COL14A1: variants seen among roughly 807,000 people sequenced by gnomAD.
COL14A1 encodes collagen type XIV alpha 1 chain.
Under a neutral mutation model 230.3 loss-of-function variants are expected in COL14A1, and 136 were observed. The observed-to-expected ratio is 0.59, with a 90% CI of 0.51 to 0.68. The LOEUF is 0.68. Among genes scored for constraint, COL14A1 ranks in the 30% least tolerant of loss-of-function variants. The probability of loss-of-function intolerance (pLI) is 0.00; values close to 1 mark genes in which losing one functional copy is unlikely to be tolerated. For synonymous variants in COL14A1, 792 were observed against 784.1 expected (o/e 1.01, Z -0.17); for missense variants, 1,976 against 2,215.8 (o/e 0.89, Z 2.17).
rs79928294 is a variant in COL14A1, at chr8:120,328,845, C to T, written c.4660-3296C>T. ...TTGCCTCCTTCTGTGAAAAAGATTC[C>T]CCTCACTTGTTTTTGGAATGTTTCC... On this transcript the variant is annotated intron_variant, in intron 40 of 47. Coordinates refer to ENST00000297848, the MANE Select transcript of COL14A1 (RefSeq NM_021110.4). Among the ~76,000 whole-genome samples the T allele has an allele frequency of 7.4e-3, 1,129 of 152,166 alleles. 21 individuals are homozygous for T. The highest frequency in any genetic ancestry group is 0.025 in the African/African-American group (1,041 of 41,502).
In COL14A1 at chr8:120,231,390, C is replaced by T. The variant is rs575237455; in HGVS notation, c.2198-77C>T. On this transcript the variant is annotated intron_variant, in intron 18 of 47. Coordinates refer to ENST00000297848, the MANE Select transcript of COL14A1 (RefSeq NM_021110.4). ...ACATTAAATGATGCTTGCTGTCACCCCACAGGTATTCTCTGTGGCTCATTT... is the reference window on the plus strand; with the variant it reads ...ACATTAAATGATGCTTGCTGTCACCTCACAGGTATTCTCTGTGGCTCATTT... The T allele has an allele frequency of 3.4e-6, 5 of 1,479,330 alleles. No homozygotes were observed. The African/African-American group carries it at 5.6e-5, about 16-fold the overall frequency. 91.6% of individuals were successfully genotyped at this position (1,479,330 alleles called of 1,614,324 possible).
At chr8:120,182,850 C>T (rs530425095) in intron 5 of COL14A1, among the ~76,000 whole-genome samples, 26 of 151,176 alleles carry the variant, frequency 1.7e-4, no homozygotes, top group African/African-American at 6.1e-4. Context: ...CCTCAGTCTC[C>T]CGAGTAGCTA....
At chr8:120,253,888 C>G (rs536801183) in intron 22 of COL14A1, among the ~76,000 whole-genome samples, 4 of 152,312 alleles carry the variant, frequency 2.6e-5, no homozygotes, top group Admixed American at 2.6e-4. Flanking sequence ...TGTGCCACTG[C>G]ACTCCAGCCA....
At chr8:120,168,054 A>G (rs1815969281) in intron 4 of COL14A1, 107 bp from the exon 5 acceptor site, 1 of 674,948 alleles carries the variant, frequency 1.5e-6, no homozygotes, top group Non-Finnish European at 2.4e-6. Context: ...CACGGAGCTC[A>G]TTTCTATAGA....
At chr8:120,333,285 G>T (rs1180866816) in intron 42 of COL14A1, among the ~76,000 whole-genome samples, 1 of 152,176 alleles carries the variant, frequency 6.6e-6, no homozygotes, top group Non-Finnish European at 1.5e-5. Flanking sequence ...TGTGATCAAT[G>T]GGAGAGGAAG....
At chr8:120,230,238 T>TG (rs1383089904) in intron 18 of COL14A1, among the ~76,000 whole-genome samples, 4 of 152,170 alleles carry the variant, frequency 2.6e-5, no homozygotes, top group Non-Finnish European at 4.4e-5. Context: ...AACTGACACT[T>TG]GGCTGGTCTA....
At chr8:120,367,321 A>T (rs1823438917) in intron 46 of COL14A1, 73 bp downstream of exon 46, 1 of 1,242,860 alleles carries the variant, frequency 8.0e-7, no homozygotes, top group Non-Finnish European at 1.2e-6. Flanking sequence ...AGTGAGGAAA[A>T]TGGTCATCTT....
At chr8:120,200,840 C>G (rs1211520658) in intron 8 of COL14A1, among the ~76,000 whole-genome samples, 1 of 147,692 alleles carries the variant, frequency 6.8e-6, no homozygotes, top group African/African-American at 2.5e-5. Flanking sequence ...CAAGTACAGT[C>G]TAAGAACAGC....
chr8:120,243,342 G>C (rs1818662944), intron 19 of COL14A1, among the ~76,000 whole-genome samples: 1 of 152,156 alleles, frequency 6.6e-6, no homozygotes, highest in South Asian at 2.1e-4. Context: ...TAGTGTTGCT[G>C]GTAAATATGC....
chr8:120,240,574 G>A (rs1818580733), intron 19 of COL14A1, among the ~76,000 whole-genome samples: 1 of 152,092 alleles, frequency 6.6e-6, no homozygotes, highest in Admixed American at 6.6e-5. Flanking sequence ...AGCAAGAAAG[G>A]AAATGTGTCA....
At chr8:120,346,236 T>G (rs1015238875) in intron 45 of COL14A1, among the ~76,000 whole-genome samples, 3 of 152,064 alleles carry the variant, frequency 2.0e-5, no homozygotes, top group African/African-American at 7.3e-5. Context: ...CTTCCACATC[T>G]ACAGGTCTTA....
At chr8:120,342,089 G>A (rs373512150) in intron 43 of COL14A1, among the ~76,000 whole-genome samples, 2 of 152,174 alleles carry the variant, frequency 1.3e-5, no homozygotes, top group East Asian at 1.9e-4. Context: ...TATATATCAC[G>A]TGTTAAATAT....
intron 47 of COL14A1, chr8:120,370,374 A>C (rs1823545683): frequency 6.2e-7 from 1 of 1,611,818 alleles, no homozygotes; most frequent in Non-Finnish European, 8.5e-7. Flanking sequence ...CTGAAGTGGA[A>C]ATCCTCCACT....
chr8:120,164,984 T>G (rs1815814621), intron 4 of COL14A1, among the ~76,000 whole-genome samples: 1 of 152,226 alleles, frequency 6.6e-6, no homozygotes, highest in South Asian at 2.1e-4. Context: ...TAAAAGGAAA[T>G]TCATTTGTTT....
chr8:120,331,166 G>C (rs779987006), intron 40 of COL14A1, among the ~76,000 whole-genome samples: 82 of 151,722 alleles, frequency 5.4e-4, no homozygotes, highest in Admixed American at 1.6e-3. Flanking sequence ...GGAAAAGATG[G>C]CTCACTGGAA....
intron 22 of COL14A1, among the ~76,000 whole-genome samples, chr8:120,251,633 G>A (rs1391310058): frequency 6.6e-6 from 1 of 152,148 alleles, no homozygotes; most frequent in East Asian, 1.9e-4. Context: ...ACCTCCGCAT[G>A]ATCTGTTTAT....
chr8:120,283,520 G>A, intron 31 of COL14A1, 116 bp from the exon 32 acceptor site: 1 of 1,030,206 alleles, frequency 9.7e-7, no homozygotes, highest in Non-Finnish European at 1.4e-6. Flanking sequence ...GGTGTTAATG[G>A]TGGTCTTTTC....
At chr8:120,182,249 G>A (rs1380875684) in intron 5 of COL14A1, among the ~76,000 whole-genome samples, 1 of 152,114 alleles carries the variant, frequency 6.6e-6, no homozygotes, top group African/African-American at 2.4e-5. Flanking sequence ...TTACAGCTAT[G>A]AGGACTGATA....
chr8:120,257,894 C>T (rs1819209278), intron 23 of COL14A1, among the ~76,000 whole-genome samples: 2 of 152,114 alleles, frequency 1.3e-5, no homozygotes, highest in Admixed American at 1.3e-4. Flanking sequence ...TAAGCATGTG[C>T]ACTTTTATTC....
Sources: gnomAD v4.1 joint callset for allele counts (sites outside exome capture counted in the v4.1 genomes callset) on GRCh38, gnomAD v4.1.1 for gene constraint, MANE v1.5 for transcripts, NCBI Gene and HGNC (gene_info 2026-07-23, HGNC 2026-07-21) for gene names.